NGEF: variants seen among roughly 807,000 people sequenced by gnomAD.
The protein encoded by NGEF is neuronal guanine nucleotide exchange factor, also known as ephexin-1.
In NGEF, 31 loss-of-function variants were observed where a neutral mutation model predicts 80.9. The observed-to-expected ratio is 0.38, with a 90% CI of 0.29 to 0.52. The LOEUF is 0.52. NGEF is among the 20% of genes least tolerant of loss of function. The pLI, the probability that NGEF is intolerant of heterozygous loss-of-function variation, is 0.84. For synonymous variants in NGEF, 371 were observed against 370.2 expected (o/e 1.00, Z -0.03); for missense variants, 709 against 926.2 (o/e 0.77, Z 3.04).
At chr2:232,954,349 C>T (rs1019346241) in intron 3 of NGEF, among the ~76,000 whole-genome samples, 2 of 152,052 alleles carry the variant, frequency 1.3e-5, no homozygotes, top group African/African-American at 4.8e-5. Flanking sequence ...GAGTTATTGT[C>T]TAATAGAAAA....
chr2:232,931,777 G>A (rs1693218944), intron 3 of NGEF, among the ~76,000 whole-genome samples: 1 of 152,194 alleles, frequency 6.6e-6, no homozygotes, highest in Admixed American at 6.5e-5. Flanking sequence ...CTGCAGGACT[G>A]GACATAGAAC....
intron 3 of NGEF, among the ~76,000 whole-genome samples, chr2:232,951,575 T>TA (rs1693679456): frequency 6.6e-6 from 1 of 152,220 alleles, no homozygotes; most frequent in Non-Finnish European, 1.5e-5. Flanking sequence ...TGTCAGGCTT[T>TA]AGGGGCCGCC....
Position 232,885,364 on chromosome 2 carries a change from C to T in NGEF, c.1353G>A (p.Val451=), listed in dbSNP as rs2292725. 0.2 allele frequency: 327,834 copies of T among 1,612,898 alleles called. 35,029 individuals carry two copies. The highest frequency in any genetic ancestry group is 0.22 in the Middle Eastern group (1,327 of 6,060). ...TCCTGACGCCCTCGTTGCATGCCTT[C>T]ACCACCTGGGACAAGAAGGAGGGCA... The part of the protein sequence containing the change: ...LDAHKELEMV[V]KACNEGVRKM... The change falls in exon 10 of 15, where the codon GTG becomes GTA. Residue 451 remains valine, a synonymous_variant. Transcript: ENST00000264051.
chr2:232,999,939 A>G (rs2106342467), intron 1 of NGEF, among the ~76,000 whole-genome samples: 1 of 152,346 alleles, frequency 6.6e-6, no homozygotes, highest in East Asian at 1.9e-4. Flanking sequence ...TGACAACACT[A>G]ATATTGGTGT....
At chr2:232,901,688 C>G (rs1182204043) in intron 5 of NGEF, among the ~76,000 whole-genome samples, 3 of 152,226 alleles carry the variant, frequency 2.0e-5, no homozygotes, top group African/African-American at 7.2e-5. Context: ...GCCAGGCCCT[C>G]CCCACACAGG....
rs571321295 is a variant in NGEF at position 232,920,253 on chromosome 2, G to T, written c.828+31C>A. ...AGTGAGGGCCACCCCGGTGTGCTGT[G>T]GGGGAGCCCCCGCCCCTCGGCGCCT... On this transcript the variant is annotated intron_variant, in intron 5 of 14. Coordinates refer to ENST00000264051, the MANE Select transcript of NGEF (RefSeq NM_019850.3). 67 of 1,590,488 alleles carry T rather than the reference G, an allele frequency of 4.2e-5. No homozygotes were observed. The Middle Eastern group carries it at 6.8e-4, about 16-fold the overall frequency.
chr2:232,963,021 A>AT (rs578204086), intron 3 of NGEF, among the ~76,000 whole-genome samples: 24 of 151,924 alleles, frequency 1.6e-4, no homozygotes, highest in East Asian at 3.9e-4. Context: ...TTCTAGCTGA[A>AT]TTTTTTTTGG....
Position 232,993,204 on chromosome 2 carries a change from ATATTTGCCCG to A in NGEF, c.-74-18250_-74-18241del, listed in dbSNP as rs1459290837. On this transcript the variant is annotated intron_variant, in intron 1 of 14. Coordinates refer to ENST00000264051, the MANE Select transcript of NGEF (RefSeq NM_019850.3). ...TAAATATATATATTTATTTATATAT[ATATTTGCCCG>A]TATAGATACACACATATATATGTAT... is the stretch of plus-strand genomic sequence containing the variant. 2.6e-4 allele frequency among the ~76,000 whole-genome samples: 35 copies of A among 136,314 alleles called. No homozygotes were observed. In the East Asian group the frequency reaches 6.9e-3, roughly 27 times the overall value. 89.4% of individuals were successfully genotyped at this position (136,314 alleles called of 152,430 possible). A position where few individuals can be genotyped will look rare whatever the true frequency, so the allele number is the denominator to read the frequency against.
intron 4 of NGEF, among the ~76,000 whole-genome samples, chr2:232,924,323 G>A (rs191660876): frequency 8.9e-4 from 136 of 152,252 alleles, no homozygotes; most frequent in Admixed American, 2.5e-3. Context: ...ATGCACCAAA[G>A]GATGCACCAT....
In NGEF at chr2:232,884,097, C is replaced by T. The variant is rs367977629; in HGVS notation, c.1485G>A (p.Glu495=). The stretch of plus-strand genomic sequence containing the variant: ...TCTTGGGGCCTGACATCTGCTGCAG[C>T]TCACCCTGCTTCAGCAGCCAGCGGG... ...SHSRWLLKQG[E]LQQMSGPKTS... is the part of the protein sequence containing the mutation. The change falls in exon 11 of 15, where the codon GAG becomes GAA. Residue 495 remains glutamate (E), a synonymous_variant. Transcript: ENST00000264051. 2 of 1,610,878 alleles carry T rather than the reference C, an allele frequency of 1.2e-6. No homozygotes were observed. The highest frequency in any genetic ancestry group is 1.7e-6 in the Non-Finnish European group (2 of 1,179,234).
intron 8 of NGEF, 127 bp from the exon 9 acceptor site, chr2:232,888,234 ACACG>A (rs72427034): frequency 0.23 from 142,527 of 629,120 alleles, 14,307 homozygotes; most frequent in Admixed American, 0.28. Flanking sequence ...ACACACACAC[ACACG>A]CACGCACGCA....
intron 3 of NGEF, among the ~76,000 whole-genome samples, chr2:232,950,413 G>C (rs917551418): frequency 2.0e-5 from 3 of 152,194 alleles, no homozygotes. Context: ...ATCAGTGATA[G>C]GCTGATAGGT....
rs60735452 is a variant in NGEF, at chr2:232,942,904, C to CTT, written c.384-15720_384-15719dup. Among the ~76,000 whole-genome samples, 50 of 117,874 alleles carry CTT rather than the reference C, an allele frequency of 4.2e-4. 1 individual carries two copies. The highest frequency in any genetic ancestry group is 1.4e-3 in the African/African-American group (42 of 30,326). 77.3% of individuals were successfully genotyped at this position (117,874 alleles called of 152,430 possible). On this transcript the variant is annotated intron_variant, in intron 3 of 14. Transcript: ENST00000264051. ...GTTTACCAGCAGAGAAGTGAAATTT[C>CTT]TTTTTTTTTTTTTTTTTTTTCACTT...
intron 3 of NGEF, among the ~76,000 whole-genome samples, chr2:232,929,898 ATTG>A (rs905422787): frequency 3.3e-5 from 5 of 152,066 alleles, no homozygotes; most frequent in African/African-American, 1.2e-4. Flanking sequence ...TTTCCCCCAT[ATTG>A]TTCTCCTGGT....
intron 3 of NGEF, among the ~76,000 whole-genome samples, chr2:232,961,542 G>T (rs1034400048): frequency 1.3e-5 from 2 of 152,012 alleles, no homozygotes; most frequent in African/African-American, 2.4e-5. Flanking sequence ...GCCCAGGCTG[G>T]AGTGCAGTGG....
At chr2:232,886,154 T>C (rs1038116058) in intron 9 of NGEF, among the ~76,000 whole-genome samples, 1 of 151,652 alleles carries the variant, frequency 6.6e-6, no homozygotes, top group African/African-American at 2.4e-5. Context: ...TGTATGCATG[T>C]GCGGTGTGTA....
intron 1 of NGEF, among the ~76,000 whole-genome samples, chr2:232,983,006 C>T (rs984294691): frequency 1.6e-4 from 25 of 152,304 alleles, no homozygotes; most frequent in African/African-American, 6.0e-4. Flanking sequence ...TAATGGAACC[C>T]TTGACAGTTG....
intron 1 of NGEF, among the ~76,000 whole-genome samples, chr2:232,999,964 A>G (rs1574663572): frequency 6.6e-6 from 1 of 152,230 alleles, no homozygotes; most frequent in South Asian, 2.1e-4. Context: ...GTCTGCTAAC[A>G]CTGCCATAAA....
intron 1 of NGEF, among the ~76,000 whole-genome samples, chr2:233,000,387 G>A (rs548045415): frequency 9.9e-5 from 15 of 151,764 alleles, no homozygotes; most frequent in African/African-American, 2.7e-4. Context: ...GTGAGCCACC[G>A]TGCCCAGCCT....
Sources: allele counts gnomAD v4.1 joint callset (sites outside exome capture counted in the v4.1 genomes callset), GRCh38; gene constraint gnomAD v4.1.1; transcripts MANE v1.5; gene names NCBI Gene and HGNC (gene_info 2026-07-23, HGNC 2026-07-21).